Variants in FBXO32 observed in about 807,000 individuals in gnomAD.
FBXO32 encodes the protein F-box protein 32.
A neutral mutation model predicts 48.3 loss-of-function variants in FBXO32; 15 were observed. The observed-to-expected ratio is 0.31, with a 90% CI of 0.21 to 0.48. The LOEUF is 0.48. FBXO32 is among the 20% of genes least tolerant of loss of function. The probability of loss-of-function intolerance (pLI) is 0.99; values close to 1 mark genes in which losing one functional copy is unlikely to be tolerated. For missense variants in FBXO32, 309 were observed against 432.7 expected, an observed-to-expected ratio of 0.71 and a Z score of 2.54; for synonymous variants, 154 against 165.9, an observed-to-expected ratio of 0.93 and a Z score of 0.55.
chr8:123,509,448 C>A (rs1432908527), intron 6 of FBXO32, among the ~76,000 whole-genome samples: 2 of 152,204 alleles, frequency 1.3e-5, no homozygotes, highest in South Asian at 2.1e-4. Context: ...GCCTGTAATC[C>A]TGGTACTTTG....
At chr8:123,536,601 A>T (rs571304691) in intron 1 of FBXO32, among the ~76,000 whole-genome samples, 7 of 152,372 alleles carry the variant, frequency 4.6e-5, no homozygotes, top group Admixed American at 6.5e-5. Flanking sequence ...GCAAAGCTAG[A>T]ACATTTTGTG....
chr8:123,539,877 T>C (rs912490608), intron 1 of FBXO32, among the ~76,000 whole-genome samples: 1 of 152,226 alleles, frequency 6.6e-6, no homozygotes, highest in African/African-American at 2.4e-5. Flanking sequence ...CAAGGGTGAC[T>C]CTGGCTGCAC....
chr8:123,514,047 C>A, intron 5 of FBXO32, 193 bp downstream of exon 5: 1 of 520,926 alleles, frequency 1.9e-6, no homozygotes, highest in South Asian at 2.9e-5. Flanking sequence ...GGGTGATGGT[C>A]TCACCCTTTG....
chr8:123,518,311 T>C (rs1034532697), intron 4 of FBXO32, among the ~76,000 whole-genome samples: 1 of 152,256 alleles, frequency 6.6e-6, no homozygotes, highest in Non-Finnish European at 1.5e-5. Context: ...AAATTATTAT[T>C]GTTAGCTTTT....
rs1316491126 is a variant in FBXO32 at position 123,500,979 on chromosome 8, C to A, written c.*2394G>T. 1 of 152,202 alleles carries A rather than the reference C, an allele frequency of 6.6e-6. No homozygotes were observed. Among genetic ancestry groups the A allele is most frequent in the South Asian group, 2.1e-4 (1 of 4,824 alleles). The allele number at this position is 152,202 out of a possible 1,614,324, so 9.4% of individuals were successfully genotyped here. ...ACAGATGCACATGGTTGCCTGGAGT[C>A]TATCGTACAATCATGTGCACTGCTG... On this transcript the variant is annotated 3_prime_UTR_variant, in exon 9 of 9. Transcript: ENST00000517956.
rs540890288 is a variant in FBXO32, at chr8:123,515,875, C to T, written c.373-1542G>A. On this transcript the variant is annotated intron_variant, in intron 4 of 8. Coordinates refer to ENST00000517956, the MANE Select transcript of FBXO32 (RefSeq NM_058229.4). ...GGCATGGTGGCACATGCCTGTGCTC[C>T]CAGCTACTCAGGAGGCTGAGGCAGG... Among the ~76,000 whole-genome samples, 30 of 152,218 alleles carry T rather than the reference C, an allele frequency of 2.0e-4. 1 individual carries two copies. In the East Asian group the frequency reaches 2.9e-3, roughly 15 times the overall value.
chr8:123,536,483 T>C (rs1421607369), intron 1 of FBXO32, among the ~76,000 whole-genome samples: 4 of 152,194 alleles, frequency 2.6e-5, no homozygotes, highest in African/African-American at 9.7e-5. Context: ...AGAACTGAAT[T>C]CCTGAGGCTA....
rs76019717 is a variant in FBXO32 at position 123,526,163 on chromosome 8, G to A, written c.372+5735C>T. On this transcript the variant is annotated intron_variant, in intron 4 of 8. Coordinates refer to ENST00000517956, the MANE Select transcript of FBXO32 (RefSeq NM_058229.4). ...CATCATTTCCATTTTACAGATGGGC[G>A]AGTGAGGCCTGACCAAGATCATAAT... Among the ~76,000 whole-genome samples the A allele has an allele frequency of 8.4e-3, 1,280 of 151,860 alleles. 19 individuals are homozygous for A. Among genetic ancestry groups the A allele is most frequent in the African/African-American group, 0.029 (1,214 of 41,430 alleles).
chr8:123,532,360 G>A (rs1012979637), intron 3 of FBXO32, among the ~76,000 whole-genome samples: 1 of 152,234 alleles, frequency 6.6e-6, no homozygotes, highest in Admixed American at 6.5e-5. Flanking sequence ...GTTGGTGACT[G>A]TAACGTACTC....
At chr8:123,508,543 C>T (rs1662548901) in intron 6 of FBXO32, among the ~76,000 whole-genome samples, 1 of 152,178 alleles carries the variant, frequency 6.6e-6, no homozygotes, top group Non-Finnish European at 1.5e-5. Flanking sequence ...AGGACTTCAG[C>T]CTCCTATTTC....
chr8:123,515,876 C>G (rs1325166428), intron 4 of FBXO32, among the ~76,000 whole-genome samples: 3 of 152,120 alleles, frequency 2.0e-5, no homozygotes, highest in Admixed American at 1.3e-4. Context: ...CCTGTGCTCC[C>G]AGCTACTCAG....
intron 4 of FBXO32, among the ~76,000 whole-genome samples, chr8:123,527,846 G>T (rs1209830892): frequency 6.6e-6 from 1 of 152,118 alleles, no homozygotes; most frequent in African/African-American, 2.4e-5. Flanking sequence ...TGATTGATTT[G>T]CAGAAAGTAC....
chr8:123,504,876 G>A (rs1321846548), intron 7 of FBXO32, 129 bp from the exon 8 acceptor site: 21 of 795,120 alleles, frequency 2.6e-5, no homozygotes, highest in Non-Finnish European at 3.7e-5. Flanking sequence ...AGCCAGGAAG[G>A]AAAACTGTCA....
At chr8:123,533,925 T>A (rs148306692) in intron 2 of FBXO32, among the ~76,000 whole-genome samples, 2,569 of 152,026 alleles carry the variant, frequency 0.017, 70 homozygotes, top group African/African-American at 0.058. Flanking sequence ...AAACCCTGTC[T>A]CTACTAAAAA....
At chr8:123,539,991 A>C (rs1410529505) in intron 1 of FBXO32, among the ~76,000 whole-genome samples, 2 of 152,142 alleles carry the variant, frequency 1.3e-5, no homozygotes, top group African/African-American at 4.8e-5. Flanking sequence ...ATTCCAGGCT[A>C]CCTTGCGTAC....
chr8:123,511,207 T>C (rs868822411), intron 6 of FBXO32, among the ~76,000 whole-genome samples: 1 of 152,214 alleles, frequency 6.6e-6, no homozygotes, highest in South Asian at 2.1e-4. Context: ...GAATCCAAGG[T>C]TCTGGCCTCA....
intron 4 of FBXO32, among the ~76,000 whole-genome samples, chr8:123,531,641 G>T (rs1817211893): frequency 6.6e-6 from 1 of 152,198 alleles, no homozygotes; most frequent in Non-Finnish European, 1.5e-5. Flanking sequence ...GAAGAGAATG[G>T]CTCTTTAACC....
In FBXO32 at chr8:123,506,967, C is replaced by G. The variant is rs957734858; in HGVS notation, c.652-393G>C. On this transcript the variant is annotated intron_variant, in intron 6 of 8. Transcript: ENST00000517956. This position sits in a 1 kb window ranked among gnomAD's most constrained non-coding sequence, Gnocchi z 4.0. ...CCCCAAGTCCCATCTCTCTGGCCCC[C>G]CTCCAGACATCAGGTCCCTCCAAGT... is the stretch of plus-strand genomic sequence containing the variant. 1.2e-4 allele frequency among the ~76,000 whole-genome samples: 19 copies of G among 152,310 alleles called. No individual in the cohort carries two copies. Among genetic ancestry groups the G allele is most frequent in the East Asian group, 7.7e-4 (4 of 5,184 alleles).
chr8:123,530,897 G>A (rs1470290806), intron 4 of FBXO32, among the ~76,000 whole-genome samples: 3 of 150,498 alleles, frequency 2.0e-5, no homozygotes, highest in East Asian at 3.9e-4. Flanking sequence ...GATTACAGGC[G>A]TGAGCCAATG....
Sources: allele counts gnomAD v4.1 joint callset (sites outside exome capture counted in the v4.1 genomes callset), GRCh38; gene constraint gnomAD v4.1.1; non-coding constraint Gnocchi (gnomAD v3.1); transcripts MANE v1.5; gene names NCBI Gene and HGNC (gene_info 2026-07-23, HGNC 2026-07-21).